The following CERK variants were observed in gnomAD, a reference collection of about 807,000 sequenced individuals.
The protein encoded by CERK is ceramide kinase.
In CERK, 39 loss-of-function variants were observed where a neutral mutation model predicts 63.4. That is an observed-to-expected ratio of 0.61 (90% CI 0.48 to 0.80). CERK has a LOEUF of 0.80. Among genes scored for constraint, CERK ranks in the 30% least tolerant of loss-of-function variants. The pLI is 0.00. For synonymous variants in CERK, 302 were observed against 280.0 expected (o/e 1.08, Z -0.78); for missense variants, 670 against 714.1 (o/e 0.94, Z 0.70).
intron 1 of CERK, among the ~76,000 whole-genome samples, chr22:46,734,877 A>ATT (rs1429648052): frequency 6.6e-6 from 1 of 152,170 alleles, no homozygotes; most frequent in Non-Finnish European, 1.5e-5. Context: ...CAGGAAAAAC[A>ATT]TTTTTTTAAA....
chr22:46,738,031 GC>G lies in CERK; in HGVS notation c.117del (p.Gly41GlufsTer49). The part of the protein sequence containing the change: ...RALLRWWRSP[G>X]PGAGAPGADA... Reference sequence around the variant, plus strand: ...CCCGCGCCGGGGGCGCCGGCTCCGGGCCCCGGGCTCCGCCACCAGCGCAGCA... The same window carrying G: ...CCCGCGCCGGGGGCGCCGGCTCCGGGCCCGGGCTCCGCCACCAGCGCAGCA... On this transcript the variant is annotated frameshift_variant, in exon 1 of 13. Coordinates refer to ENST00000216264, the MANE Select transcript of CERK (RefSeq NM_022766.6). LOFTEE classifies it high-confidence loss of function. The G allele has an allele frequency of 6.7e-6, 8 of 1,197,986 alleles. No individual in the cohort carries two copies. Among genetic ancestry groups the G allele is most frequent in the South Asian group, 3.5e-5 (1 of 28,650 alleles). The allele number at this position is 1,197,986 out of a possible 1,614,324, so 74.2% of individuals were successfully genotyped here. A position where few individuals can be genotyped will look rare whatever the true frequency, so the allele number is the denominator to read the frequency against.
In CERK at chr22:46,691,601, G is replaced by A. The variant is rs1399819502; in HGVS notation, c.1303C>T (p.Leu435Phe). ...KCSRFNFLRF[L>F]IRHTNQQDQF... Reference sequence around the variant, plus strand: ...TCCTGCTGGTTGGTGTGCCTGATGAGAAATCTCAGAAAATTGAACCTGGAG... The same window carrying A: ...TCCTGCTGGTTGGTGTGCCTGATGAAAAATCTCAGAAAATTGAACCTGGAG... Residue 435 changes from leucine (L) to phenylalanine (F), a missense_variant, in exon 11 of 13, where the codon CTC (leucine) becomes TTC (phenylalanine). Transcript: ENST00000216264. 1.2e-6 allele frequency: 2 copies of A among 1,613,920 alleles called. No individual in the cohort carries two copies. The highest frequency in any genetic ancestry group is 1.7e-5 in the Admixed American group (1 of 60,000).
chr22:46,736,108 G>C (rs938996081), intron 1 of CERK, among the ~76,000 whole-genome samples: 1 of 152,230 alleles, frequency 6.6e-6, no homozygotes, highest in African/African-American at 2.4e-5. Flanking sequence ...TGGCAGGCCA[G>C]TCAGGCAGCT....
chr22:46,684,614 A>G lies in CERK; in HGVS notation c.*2520T>C, dbSNP rs2082689401. The G allele has an allele frequency of 6.6e-6, 1 of 152,244 alleles. No individual in the cohort carries two copies. Among genetic ancestry groups the G allele is most frequent in the African/African-American group, 2.4e-5 (1 of 41,464 alleles). The allele number at this position is 152,244 out of a possible 1,614,324, so 9.4% of individuals were successfully genotyped here. ...AATAAACTAGAATCAGGTCCATTGC[A>G]TAACTGCTAATTGTTTTGCACCAGG... On this transcript the variant is annotated 3_prime_UTR_variant, in exon 13 of 13. Transcript: ENST00000216264.
At chr22:46,699,501 C>T in intron 7 of CERK, 36 bp from the exon 8 acceptor site, 4 of 1,609,634 alleles carry the variant, frequency 2.5e-6, no homozygotes, top group Non-Finnish European at 3.4e-6. Context: ...AAGGCAGCCC[C>T]CCTCCAGCCC....
At chr22:46,693,958 C>T (rs957871295) in intron 9 of CERK, 1 of 175,276 alleles carries the variant, frequency 5.7e-6, no homozygotes, top group African/African-American at 2.4e-5. Flanking sequence ...ATTCGTCTAG[C>T]ACGTCCTTCT....
At chr22:46,733,517 C>T (rs1004370017) in intron 1 of CERK, among the ~76,000 whole-genome samples, 6 of 151,300 alleles carry the variant, frequency 4.0e-5, no homozygotes, top group Non-Finnish European at 7.4e-5. Context: ...TGGTCACGAC[C>T]TCCTGACATC....
intron 3 of CERK, among the ~76,000 whole-genome samples, chr22:46,716,229 C>T (rs6008961): frequency 0.014 from 2,040 of 149,454 alleles, 34 homozygotes; most frequent in African/African-American, 0.046. Flanking sequence ...TTTGCTCTTT[C>T]GCCCAGGCTG....
At chr22:46,700,716 GA>G (rs1057037323) in intron 7 of CERK, among the ~76,000 whole-genome samples, 8 of 146,164 alleles carry the variant, frequency 5.5e-5, no homozygotes, top group African/African-American at 1.8e-4. Flanking sequence ...CTGTCTCAAA[GA>G]AAAAAATATC....
intron 6 of CERK, among the ~76,000 whole-genome samples, chr22:46,704,238 G>C (rs977097087): frequency 5.3e-5 from 8 of 152,216 alleles, no homozygotes; most frequent in Non-Finnish European, 1.2e-4. Context: ...AGTGCAGCCT[G>C]CATCCCCACG....
At chr22:46,713,207 A>G (rs1280661678) in intron 3 of CERK, among the ~76,000 whole-genome samples, 1 of 152,148 alleles carries the variant, frequency 6.6e-6, no homozygotes, top group African/African-American at 2.4e-5. Context: ...AAGTCCATAC[A>G]AAAATCCAGA....
chr22:46,706,348 G>A (rs1187791622), intron 6 of CERK, among the ~76,000 whole-genome samples: 2 of 152,186 alleles, frequency 1.3e-5, no homozygotes, highest in Non-Finnish European at 2.9e-5. Context: ...CCGAGAGGTC[G>A]GCGGCACACA....
chr22:46,724,829 C>T (rs1355092885), intron 1 of CERK, among the ~76,000 whole-genome samples: 3 of 152,236 alleles, frequency 2.0e-5, no homozygotes, highest in South Asian at 2.1e-4. Flanking sequence ...ACCACCCTGG[C>T]TAACATGGTG....
At chr22:46,728,120 C>G (rs1183593488) in intron 1 of CERK, among the ~76,000 whole-genome samples, 1 of 152,104 alleles carries the variant, frequency 6.6e-6, no homozygotes, top group Non-Finnish European at 1.5e-5. Flanking sequence ...TTAGACGACA[C>G]CCGCAGAACT....
intron 9 of CERK, chr22:46,693,794 T>C (rs1217880620): frequency 3.9e-5 from 15 of 385,986 alleles, no homozygotes; most frequent in Non-Finnish European, 9.8e-6. Flanking sequence ...CCAGCTAACA[T>C]AGCCTGGCTG....
In CERK at chr22:46,707,877, G is replaced by A. The variant is rs1219327790; in HGVS notation, c.681C>T (p.Val227=). ...TGATTCCAATCCGGAGGCTACTGGG[G>A]ACCAGCACAGCCCGGGGGTGGTTCT... The part of the protein sequence containing the change: ...VDQNHPRAVL[V]PSSLRIGIIP... The change falls in exon 6 of 13, where the codon GTC becomes GTT. Residue 227 remains valine, a synonymous_variant. Transcript: ENST00000216264. 1 of 1,613,720 alleles carries A rather than the reference G, an allele frequency of 6.2e-7. No individual in the cohort carries two copies. Among genetic ancestry groups the A allele is most frequent in the South Asian group, 1.1e-5 (1 of 91,036 alleles).
chr22:46,701,180 C>T (rs2082781822), intron 7 of CERK, among the ~76,000 whole-genome samples: 1 of 152,210 alleles, frequency 6.6e-6, no homozygotes, highest in African/African-American at 2.4e-5. Flanking sequence ...TCTGCTCTTC[C>T]TGACCGGGGC....
chr22:46,685,722 C>G lies in CERK; in HGVS notation c.*1412G>C, dbSNP rs2082696895. The G allele has an allele frequency of 6.6e-6, 1 of 152,238 alleles. No homozygotes were observed. Among genetic ancestry groups the G allele is most frequent in the Non-Finnish European group, 1.5e-5 (1 of 68,038 alleles). The allele number at this position is 152,238 out of a possible 1,614,324, so 9.4% of individuals were successfully genotyped here. A position where few individuals can be genotyped will look rare whatever the true frequency, so the allele number is the denominator to read the frequency against. On this transcript the variant is annotated 3_prime_UTR_variant, in exon 13 of 13. Coordinates refer to ENST00000216264, the MANE Select transcript of CERK (RefSeq NM_022766.6). Reference sequence around the variant, plus strand: ...CATTAAAGCTGCCCTTTCACCTGATCTGGGTGGGGCTAAACGAGGAAACGA... The same window carrying G: ...CATTAAAGCTGCCCTTTCACCTGATGTGGGTGGGGCTAAACGAGGAAACGA...
chr22:46,701,028 C>T (rs953641934), intron 7 of CERK, among the ~76,000 whole-genome samples: 2 of 152,024 alleles, frequency 1.3e-5, no homozygotes, highest in African/African-American at 2.4e-5. Flanking sequence ...AAAAAAAATC[C>T]TAAGTGGCTA....
Sources: allele counts gnomAD v4.1 joint callset (sites outside exome capture counted in the v4.1 genomes callset), GRCh38; gene constraint gnomAD v4.1.1; transcripts MANE v1.5; gene names NCBI Gene and HGNC (gene_info 2026-07-23, HGNC 2026-07-21).